The following TRIM44 variants were observed in gnomAD, a reference collection of about 807,000 sequenced individuals.
The protein encoded by TRIM44 is tripartite motif containing 44.
A neutral mutation model predicts 37.4 loss-of-function variants in TRIM44; 13 were observed. The ratio of observed to expected loss-of-function variants is 0.35; its 90% CI spans 0.23 to 0.55. TRIM44 has a LOEUF of 0.55. Ranked by LOEUF, TRIM44 falls within the 20% of genes least tolerant of loss-of-function variation. The pLI is 0.89. For synonymous variants in TRIM44, 175 were observed against 157.2 expected, an observed-to-expected ratio of 1.11 and a Z score of -0.85; for missense variants, 426 against 437.2, an observed-to-expected ratio of 0.97 and a Z score of 0.23.
intron 2 of TRIM44, among the ~76,000 whole-genome samples, chr11:35,703,327 C>T (rs3110368): frequency 0.026 from 3,935 of 152,288 alleles, 131 homozygotes; most frequent in African/African-American, 0.074. Context: ...CCTGTGGGGG[C>T]GGGGCACAGA....
rs1853579567 is a variant in TRIM44, at chr11:35,816,275, CT to C, written c.*9891del. 6.6e-6 allele frequency: 1 copy of C among 152,152 alleles called. No individual in the cohort carries two copies. Among genetic ancestry groups the C allele is most frequent in the Non-Finnish European group, 1.5e-5 (1 of 68,024 alleles). 9.4% of individuals were successfully genotyped at this position (152,152 alleles called of 1,614,324 possible). The stretch of plus-strand genomic sequence containing the variant: ...TTGTGAGAAAAAAAAACAGCTGAGA[CT>C]GTTTCACAGAAGAGAAAATAAATAA... On this transcript the variant is annotated 3_prime_UTR_variant, in exon 5 of 5. Coordinates refer to ENST00000299413, the MANE Select transcript of TRIM44 (RefSeq NM_017583.6).
At chr11:35,692,340 C>T (rs1851645982) in intron 2 of TRIM44, among the ~76,000 whole-genome samples, 1 of 152,030 alleles carries the variant, frequency 6.6e-6, no homozygotes, top group African/African-American at 2.4e-5. Flanking sequence ...GTGAAAGACA[C>T]CTATGGAAAA....
intron 1 of TRIM44, among the ~76,000 whole-genome samples, chr11:35,684,105 T>G (rs1424527767): frequency 6.6e-6 from 1 of 152,188 alleles, no homozygotes; most frequent in Non-Finnish European, 1.5e-5. Flanking sequence ...ACAGCTAGTG[T>G]GTGACTAATG....
chr11:35,678,621 C>T (rs1162231913), intron 1 of TRIM44, among the ~76,000 whole-genome samples: 3 of 151,980 alleles, frequency 2.0e-5, no homozygotes, highest in African/African-American at 7.3e-5. Flanking sequence ...CCCTCCCCTC[C>T]CCATTCTCTT....
At chr11:35,726,660 T>C (rs1590546102) in intron 3 of TRIM44, among the ~76,000 whole-genome samples, 1 of 144,408 alleles carries the variant, frequency 6.9e-6, no homozygotes, top group East Asian at 2.1e-4. Flanking sequence ...AAGAATGGCA[T>C]GTGCACTAGG....
At chr11:35,688,793 G>A (rs1387607303) in intron 2 of TRIM44, among the ~76,000 whole-genome samples, 1 of 152,212 alleles carries the variant, frequency 6.6e-6, no homozygotes, top group Non-Finnish European at 1.5e-5. Context: ...TTGGCCTGGG[G>A]TGGCTAGACA....
At chr11:35,775,399 A>G (rs929157180) in intron 4 of TRIM44, among the ~76,000 whole-genome samples, 37 of 152,322 alleles carry the variant, frequency 2.4e-4, no homozygotes, top group Admixed American at 9.2e-4. Context: ...TAAATATACA[A>G]TCATATTATC....
intron 2 of TRIM44, among the ~76,000 whole-genome samples, chr11:35,716,872 CCCTT>C (rs1453385127): frequency 2.0e-5 from 3 of 152,146 alleles, no homozygotes; most frequent in Non-Finnish European, 4.4e-5. Context: ...TTTCTTACCT[CCCTT>C]CTTCAATTTC....
intron 1 of TRIM44, among the ~76,000 whole-genome samples, chr11:35,679,688 A>C (rs7928794): frequency 0.032 from 4,821 of 152,270 alleles, 258 homozygotes; most frequent in African/African-American, 0.11. Context: ...AAGAAGCTAG[A>C]AATCTTTATT....
intron 2 of TRIM44, among the ~76,000 whole-genome samples, chr11:35,711,324 T>A (rs529116546): frequency 6.2e-4 from 95 of 152,234 alleles, no homozygotes; most frequent in Admixed American, 1.0e-3. Flanking sequence ...CTGACAGGGA[T>A]GAGGGTTAAA....
At chr11:35,740,416 A>T (rs1303535309) in intron 4 of TRIM44, among the ~76,000 whole-genome samples, 1 of 152,140 alleles carries the variant, frequency 6.6e-6, no homozygotes, top group East Asian at 1.9e-4. Flanking sequence ...GAAGATCAGG[A>T]TTAGATTTTG....
chr11:35,707,592 C>A (rs955676366), intron 2 of TRIM44, among the ~76,000 whole-genome samples: 1 of 147,864 alleles, frequency 6.8e-6, no homozygotes, highest in Non-Finnish European at 1.5e-5. Context: ...AGAAAAGAGC[C>A]CTCAGAAATA....
intron 2 of TRIM44, among the ~76,000 whole-genome samples, chr11:35,722,255 A>G (rs918942613): frequency 1.3e-5 from 2 of 152,240 alleles, no homozygotes; most frequent in Non-Finnish European, 2.9e-5. Flanking sequence ...TGCAGTCTAC[A>G]ATTTTTAAAG....
At position 35,663,606 on chromosome 11, in the gene TRIM44, A is replaced by G; in HGVS notation, c.495A>G (p.Pro165=). ...CTGAGGCAGAAAGTGAATTTGACCC[A>G]GAAATAGAAATGGAAGCAGAGAGAG... ...GETEAESEFD[P]EIEMEAERVA... Residue 165 remains proline, a synonymous_variant, in exon 1 of 5, where the codon CCA becomes CCG. Coordinates refer to ENST00000299413, the MANE Select transcript of TRIM44 (RefSeq NM_017583.6). The G allele has an allele frequency of 6.2e-7, 1 of 1,614,144 alleles. No individual in the cohort carries two copies. Among genetic ancestry groups the G allele is most frequent in the Non-Finnish European group, 8.5e-7 (1 of 1,180,032 alleles).
intron 4 of TRIM44, among the ~76,000 whole-genome samples, chr11:35,738,067 T>C (rs916700254): frequency 5.9e-5 from 9 of 152,136 alleles, no homozygotes; most frequent in African/African-American, 2.2e-4. Flanking sequence ...GCCCTAGACT[T>C]ACTTTCCCAG....
chr11:35,724,845 A>G (rs1204479155), intron 2 of TRIM44, among the ~76,000 whole-genome samples: 4 of 152,188 alleles, frequency 2.6e-5, no homozygotes, highest in Non-Finnish European at 2.9e-5. Flanking sequence ...AATGTAATCA[A>G]TACATCTTTC....
At chr11:35,795,583 T>C (rs1257293639) in intron 4 of TRIM44, among the ~76,000 whole-genome samples, 1 of 152,162 alleles carries the variant, frequency 6.6e-6, no homozygotes, top group African/African-American at 2.4e-5. Context: ...CGTCTTTATT[T>C]TTTAAATGGC....
intron 4 of TRIM44, among the ~76,000 whole-genome samples, chr11:35,796,257 TC>T (rs1853286970): frequency 2.0e-5 from 3 of 152,210 alleles, no homozygotes; most frequent in Admixed American, 1.3e-4. Context: ...TCTGCCTCGC[TC>T]GCTCGCTGTC....
chr11:35,704,165 G>A lies in TRIM44; in HGVS notation c.747+18829G>A, dbSNP rs1851840263. ...AACTGAAAGAAAGGGTATCAGTGAT[G>A]GAAGATGAAATGAAGGAAATGAAGC... On this transcript the variant is annotated intron_variant, in intron 2 of 4. Transcript: ENST00000299413. Among the ~76,000 whole-genome samples, 3 of 152,096 alleles carry A rather than the reference G, an allele frequency of 2.0e-5. No individual in the cohort carries two copies. In the South Asian group the frequency reaches 6.2e-4, roughly 32 times the overall value.
Sources: gnomAD v4.1 joint callset for allele counts (sites outside exome capture counted in the v4.1 genomes callset) on GRCh38, gnomAD v4.1.1 for gene constraint, MANE v1.5 for transcripts, NCBI Gene and HGNC (gene_info 2026-07-23, HGNC 2026-07-21) for gene names.